The following CCDC7 variants were observed in gnomAD, a reference collection of about 807,000 sequenced individuals.
CCDC7 encodes the protein coiled-coil domain containing 7.
Under a neutral mutation model 196.9 loss-of-function variants are expected in CCDC7, and 183 were observed. That is an observed-to-expected ratio of 0.93 (90% confidence interval 0.82 to 1.05). The LOEUF is 1.05. CCDC7 is among the 50% of genes least tolerant of loss of function. CCDC7 has a pLI of 0.00. For synonymous variants in CCDC7, 525 were observed against 484.6 expected, an observed-to-expected ratio of 1.08 and a Z score of -1.10; for missense variants, 1,540 against 1,482.2, an observed-to-expected ratio of 1.04 and a Z score of -0.64.
intron 28 of CCDC7, among the ~76,000 whole-genome samples, chr10:32,743,564 T>G (rs2074155953): frequency 6.6e-6 from 1 of 152,160 alleles, no homozygotes; most frequent in Non-Finnish European, 1.5e-5. Context: ...TTTAGTCCAT[T>G]GTGGAAGACA....
chr10:32,719,593 A>G (rs939045253), intron 25 of CCDC7, among the ~76,000 whole-genome samples: 3 of 152,232 alleles, frequency 2.0e-5, no homozygotes, highest in Admixed American at 2.0e-4. Context: ...AACCTATAGA[A>G]TGGGAGAAAA....
At chr10:32,859,210 CAAAT>C (rs1218716693) in intron 41 of CCDC7, among the ~76,000 whole-genome samples, 17 of 152,160 alleles carry the variant, frequency 1.1e-4, no homozygotes, top group Non-Finnish European at 2.2e-4. Flanking sequence ...GAAATCATAA[CAAAT>C]AGTCTCTCAG....
chr10:32,720,178 A>G (rs1024424365), intron 25 of CCDC7, among the ~76,000 whole-genome samples: 1 of 152,136 alleles, frequency 6.6e-6, no homozygotes, highest in East Asian at 1.9e-4. Flanking sequence ...TAAAGAAAAC[A>G]TGGCACATAT....
At chr10:32,557,934 C>G (rs995753960) in intron 13 of CCDC7, among the ~76,000 whole-genome samples, 1 of 152,154 alleles carries the variant, frequency 6.6e-6, no homozygotes, top group African/African-American at 2.4e-5. Context: ...CTCAAGCAAT[C>G]CTCCCACCTT....
chr10:32,817,840 C>T (rs1465476721), intron 31 of CCDC7, among the ~76,000 whole-genome samples: 1 of 152,108 alleles, frequency 6.6e-6, no homozygotes, highest in Non-Finnish European at 1.5e-5. Context: ...GAAGGAAGCA[C>T]TAAACATGGA....
intron 41 of CCDC7, among the ~76,000 whole-genome samples, chr10:32,861,131 A>AAAAAAAG (rs1565740882): frequency 6.7e-6 from 1 of 148,664 alleles, no homozygotes; most frequent in Non-Finnish European, 1.5e-5. Context: ...AAAAAAAAAA[A>AAAAAAAG]AAAGAAAGCT....
intron 5 of CCDC7, among the ~76,000 whole-genome samples, chr10:32,469,731 G>A (rs558869055): frequency 1.3e-5 from 2 of 152,296 alleles, no homozygotes; most frequent in East Asian, 3.9e-4. Flanking sequence ...AGGTGATGCT[G>A]TTGAAATTTT....
chr10:32,668,582 G>C (rs1014338761), intron 21 of CCDC7, among the ~76,000 whole-genome samples: 1 of 152,082 alleles, frequency 6.6e-6, no homozygotes, highest in African/African-American at 2.4e-5. Context: ...TAGCATGAAG[G>C]GCTGTTGAAT....
At chr10:32,817,122 C>A (rs968412421) in intron 31 of CCDC7, among the ~76,000 whole-genome samples, 1 of 151,956 alleles carries the variant, frequency 6.6e-6, no homozygotes, top group East Asian at 1.9e-4. Flanking sequence ...CTAGAATAAC[C>A]AATGCAGAGA....
At chr10:32,585,855 A>T (rs980400414) in intron 18 of CCDC7, among the ~76,000 whole-genome samples, 7 of 152,094 alleles carry the variant, frequency 4.6e-5, no homozygotes, top group African/African-American at 1.7e-4. Context: ...GTGTCTTTAT[A>T]GTAAAATGAT....
At chr10:32,799,301 G>A (rs1392544655) in intron 29 of CCDC7, among the ~76,000 whole-genome samples, 1 of 152,102 alleles carries the variant, frequency 6.6e-6, no homozygotes, top group African/African-American at 2.4e-5. Flanking sequence ...TCACCTATGG[G>A]GGCCTGCCAA....
At chr10:32,529,141 C>A (rs976521599) in intron 11 of CCDC7, among the ~76,000 whole-genome samples, 29 of 152,162 alleles carry the variant, frequency 1.9e-4, no homozygotes, top group South Asian at 4.1e-4. Context: ...CCTGCCTTGG[C>A]CTCCCAAGTA....
chr10:32,845,972 A>G lies in CCDC7; in HGVS notation c.3604+13A>G, dbSNP rs1285989601. 2 of 1,583,346 alleles carry G rather than the reference A, an allele frequency of 1.3e-6. No homozygotes were observed. The highest frequency in any genetic ancestry group is 1.7e-6 in the Non-Finnish European group (2 of 1,154,174). ...AAGAGTCACCGAGGTAAGAGAAAGA[A>G]TTTTTCAAGTCTAATATTTAGGCTT... On this transcript the variant is annotated intron_variant, in intron 36 of 41. Transcript: ENST00000639629.
chr10:32,505,611 CTCTT>C (rs567603773), intron 9 of CCDC7, among the ~76,000 whole-genome samples: 3,238 of 152,046 alleles, frequency 0.021, 54 homozygotes, highest in Admixed American at 0.034. Flanking sequence ...AATCTGATCT[CTCTT>C]TCTTTTCCCC....
At chr10:32,818,478 C>T (rs1278713059) in intron 31 of CCDC7, among the ~76,000 whole-genome samples, 1 of 152,046 alleles carries the variant, frequency 6.6e-6, no homozygotes, top group Non-Finnish European at 1.5e-5. Flanking sequence ...CAGCTCTGCA[C>T]CAAGTGGACC....
chr10:32,627,875 G>C (rs1256135751), intron 18 of CCDC7, among the ~76,000 whole-genome samples: 2 of 151,880 alleles, frequency 1.3e-5, no homozygotes, highest in East Asian at 3.9e-4. Context: ...ACTTGACCTT[G>C]ATAGGTGATA....
chr10:32,641,338 G>C (rs1445356876), intron 20 of CCDC7, among the ~76,000 whole-genome samples: 1 of 152,126 alleles, frequency 6.6e-6, no homozygotes, highest in African/African-American at 2.4e-5. Flanking sequence ...TTTCTCCGAG[G>C]CTTTGTTCGT....
intron 20 of CCDC7, among the ~76,000 whole-genome samples, chr10:32,636,101 G>A (rs1590896357): frequency 1.3e-5 from 2 of 152,250 alleles, no homozygotes; most frequent in South Asian, 2.1e-4. Context: ...TCTACTAATA[G>A]TTTATTACCA....
At chr10:32,745,033 A>G (rs1039746698) in intron 28 of CCDC7, among the ~76,000 whole-genome samples, 9 of 152,186 alleles carry the variant, frequency 5.9e-5, no homozygotes, top group Admixed American at 4.6e-4. Context: ...ATTTTATTGC[A>G]TATGGATGAC....
Sources: allele counts gnomAD v4.1 joint callset (sites outside exome capture counted in the v4.1 genomes callset), GRCh38; gene constraint gnomAD v4.1.1; transcripts MANE v1.5; gene names NCBI Gene and HGNC (gene_info 2026-07-23, HGNC 2026-07-21).